ZNF439: variants seen among roughly 807,000 people sequenced by gnomAD.
The protein encoded by ZNF439 is zinc finger protein 439.
ZNF439 carries 40 observed loss-of-function variants against 47.3 expected under a neutral mutation model. That is an observed-to-expected ratio of 0.85 (90% CI 0.66 to 1.10). ZNF439 has a LOEUF of 1.10. ZNF439 is among the 50% of genes least tolerant of loss of function. The probability of loss-of-function intolerance (pLI) is 0.00; values close to 1 mark genes in which losing one functional copy is unlikely to be tolerated. For synonymous variants in ZNF439, 171 were observed against 198.8 expected (o/e 0.86, Z 1.18); for missense variants, 556 against 601.1 (o/e 0.93, Z 0.78).
intron 1 of ZNF439, 108 bp downstream of exon 1, chr19:11,849,038 G>GAGCT (rs1363578224): frequency 7.8e-7 from 1 of 1,281,802 alleles, no homozygotes; most frequent in African/African-American, 1.6e-5. Flanking sequence ...AGTCCTCCTA[G>GAGCT]AGCTGCTCGG....
chr19:11,849,047 G>T, intron 1 of ZNF439, 117 bp downstream of exon 1: 2 of 1,253,982 alleles, frequency 1.6e-6, no homozygotes, highest in Non-Finnish European at 2.0e-6. Context: ...AGAGCTGCTC[G>T]GCCCTCGGTC....
chr19:11,868,893 C>A lies in ZNF439; in HGVS notation c.*324C>A. 1 of 349,520 alleles carries A rather than the reference C, an allele frequency of 2.9e-6. No homozygotes were observed. The highest frequency in any genetic ancestry group is 5.6e-6 in the Non-Finnish European group (1 of 177,310). 21.7% of individuals were successfully genotyped at this position (349,520 alleles called of 1,614,324 possible). A position where few individuals can be genotyped will look rare whatever the true frequency, so the allele number is the denominator to read the frequency against. ...ACATGAAAGTTGCACAGAGGAGAGG[C>A]GCCCTAAGAATGTAAGCATTGTGGG... On this transcript the variant is annotated 3_prime_UTR_variant, in exon 4 of 4. Transcript: ENST00000682736.
intron 1 of ZNF439, among the ~76,000 whole-genome samples, chr19:11,865,179 C>A (rs1385580085): frequency 6.6e-6 from 1 of 152,200 alleles, no homozygotes; most frequent in African/African-American, 2.4e-5. Flanking sequence ...TGGGTGGCTG[C>A]ATTGCTCATT....
chr19:11,868,518 T>A lies in ZNF439; in HGVS notation c.1464T>A (p.Phe488Leu). ...TCAGATATGTCCAGAACTTTCGATTTCATGAAAGGACACAAACACATAAGA... is the reference window on the plus strand; with the variant it reads ...TCAGATATGTCCAGAACTTTCGATTACATGAAAGGACACAAACACATAAGA... ...KAFRYVQNFRFHERTQTHKNA... is the reference protein window; with the variant it reads ...KAFRYVQNFRLHERTQTHKNA... The change falls in exon 4 of 4, where the codon TTT becomes TTA. Residue 488 changes from phenylalanine to leucine, a missense_variant. Coordinates refer to ENST00000682736, the MANE Select transcript of ZNF439 (RefSeq NM_001348719.2). 6.2e-7 allele frequency: 1 copy of A among 1,611,796 alleles called. No individual in the cohort carries two copies. The highest frequency in any genetic ancestry group is 8.5e-7 in the Non-Finnish European group (1 of 1,179,176).
At chr19:11,866,711 A>T in intron 3 of ZNF439, 114 bp downstream of exon 3, 2 of 1,124,294 alleles carry the variant, frequency 1.8e-6, no homozygotes, top group Non-Finnish European at 2.5e-6. Flanking sequence ...TCATTTATTC[A>T]TACAATATTT....
At chr19:11,867,274 ACT>A (rs1402174401) in intron 3 of ZNF439, 30 bp from the exon 4 acceptor site, 1 of 1,588,472 alleles carries the variant, frequency 6.3e-7, no homozygotes, top group East Asian at 2.2e-5. Context: ...TTATAAACAA[ACT>A]CTTCATAATT....
chr19:11,855,906 T>G (rs1428612765), intron 1 of ZNF439: 1 of 152,294 alleles, frequency 6.6e-6, no homozygotes, highest in Non-Finnish European at 1.5e-5. Context: ...CAGGCTCAGC[T>G]GGCTCATGGG....
intron 1 of ZNF439, among the ~76,000 whole-genome samples, chr19:11,854,260 T>A (rs1976325599): frequency 6.6e-6 from 1 of 152,198 alleles, no homozygotes; most frequent in Non-Finnish European, 1.5e-5. Flanking sequence ...TGCAAAGTGA[T>A]GGAGTACATC....
In ZNF439 at chr19:11,868,636, T is replaced by G. The variant is rs758259415; in HGVS notation, c.*67T>G. Reference sequence around the variant, plus strand: ...TTCAAACACATGAAAAAATTCACACTGGAGAGAAACCCTATAAATGCAAGC... The same window carrying G: ...TTCAAACACATGAAAAAATTCACACGGGAGAGAAACCCTATAAATGCAAGC... On this transcript the variant is annotated 3_prime_UTR_variant, in exon 4 of 4. Transcript: ENST00000682736. 2.7e-4 allele frequency: 408 copies of G among 1,514,188 alleles called. No individual in the cohort carries two copies. The highest frequency in any genetic ancestry group is 3.6e-4 in the Non-Finnish European group (401 of 1,109,588). The allele number at this position is 1,514,188 out of a possible 1,614,324, so 93.8% of individuals were successfully genotyped here.
intron 1 of ZNF439, among the ~76,000 whole-genome samples, chr19:11,851,977 T>C (rs1441802289): frequency 2.0e-5 from 3 of 152,232 alleles, no homozygotes; most frequent in Non-Finnish European, 4.4e-5. Context: ...GTTTGCTTTT[T>C]TCCCCCAGAG....
At chr19:11,852,045 T>C (rs1454364854) in intron 1 of ZNF439, among the ~76,000 whole-genome samples, 2 of 152,218 alleles carry the variant, frequency 1.3e-5, no homozygotes. Flanking sequence ...AAAGAGTGAA[T>C]TCAACATTCC....
At chr19:11,866,175 A>G (rs1270408482) in intron 1 of ZNF439, 30 bp from the exon 2 acceptor site, 1 of 1,613,748 alleles carries the variant, frequency 6.2e-7, no homozygotes, top group Non-Finnish European at 8.5e-7. Context: ...ACTCTCACCC[A>G]TCCTCCTCTA....
chr19:11,856,031 C>T (rs760442412), intron 1 of ZNF439: 1 of 152,254 alleles, frequency 6.6e-6, no homozygotes, highest in Non-Finnish European at 1.5e-5. Context: ...CCTGTAGAAA[C>T]ACAAGCATAC....
chr19:11,865,853 C>A (rs952755449), intron 1 of ZNF439: 1 of 263,898 alleles, frequency 3.8e-6, no homozygotes, highest in African/African-American at 2.3e-5. Flanking sequence ...CATGGAGAAA[C>A]CCTGTCTCTA....
At chr19:11,861,346 T>A (rs1265241190) in intron 1 of ZNF439, among the ~76,000 whole-genome samples, 1 of 152,186 alleles carries the variant, frequency 6.6e-6, no homozygotes, top group Non-Finnish European at 1.5e-5. Context: ...TACACCCTCC[T>A]ATCTTTTCCT....
At position 11,866,558 on chromosome 19, in the gene ZNF439, A is replaced by G; in HGVS notation, c.212A>G (p.Asn71Ser). The change falls in exon 3 of 4, where the codon AAC (asparagine) becomes AGC (serine). Residue 71 changes from asparagine to serine, a missense_variant. Transcript: ENST00000682736. ...TTAGGAAAAAAGTGGAAAGACCAGA[A>G]CATTGAATATGAGTACCAAAACCCC... Reference protein sequence around the residue: ...TSIGKKWKDQNIEYEYQNPRR... With the variant: ...TSIGKKWKDQSIEYEYQNPRR... 1.2e-6 allele frequency: 2 copies of G among 1,613,704 alleles called. No individual in the cohort carries two copies. Among genetic ancestry groups the G allele is most frequent in the Non-Finnish European group, 1.7e-6 (2 of 1,179,734 alleles).
intron 3 of ZNF439, among the ~76,000 whole-genome samples, chr19:11,866,987 A>G (rs753278272): frequency 6.6e-6 from 1 of 152,230 alleles, no homozygotes; most frequent in East Asian, 1.9e-4. Context: ...GTGGTAAGCT[A>G]TGATGATACC....
Position 11,868,555 on chromosome 19 carries a change from A to G in ZNF439, c.1501A>G (p.Arg501Gly). The G allele has an allele frequency of 1.2e-6, 2 of 1,607,486 alleles. No individual in the cohort carries two copies. Among genetic ancestry groups the G allele is most frequent in the Non-Finnish European group, 8.5e-7 (1 of 1,177,320 alleles). ...ACAAACACATAAGAATGCACTCTGG[A>G]GAAAGACCTTATAAATATAAGATAT... is the stretch of plus-strand genomic sequence containing the variant. Reference protein sequence around the residue: ...RTQTHKNALWRKTL With the variant: ...RTQTHKNALWGKTL Residue 501 changes from arginine (R) to glycine (G), a missense_variant, in exon 4 of 4, where the codon AGA (arginine) becomes GGA (glycine). Transcript: ENST00000682736.
chr19:11,853,136 G>A (rs1306621216), intron 1 of ZNF439, among the ~76,000 whole-genome samples: 2 of 151,178 alleles, frequency 1.3e-5, no homozygotes, highest in East Asian at 2.0e-4. Context: ...CACCATGTTG[G>A]CCAGGCTGGT....
Sources: allele counts gnomAD v4.1 joint callset (sites outside exome capture counted in the v4.1 genomes callset), GRCh38; gene constraint gnomAD v4.1.1; transcripts MANE v1.5; gene names NCBI Gene and HGNC (gene_info 2026-07-23, HGNC 2026-07-21).